The following PRH1 variants were observed in gnomAD, a reference collection of about 807,000 sequenced individuals.
The protein encoded by PRH1 is proline rich protein HaeIII subfamily 1.
Under a neutral mutation model 7.9 loss-of-function variants are expected in PRH1, and 7 were observed. The observed-to-expected ratio is 0.89, with a 90% CI of 0.50 to 1.67. The LOEUF is 1.67. Among genes scored for constraint, PRH1 ranks in the 40% most tolerant of loss-of-function variants. PRH1 has a pLI of 0.00. For synonymous variants in PRH1, 45 were observed against 80.8 expected, an observed-to-expected ratio of 0.56 and a Z score of 2.38; for missense variants, 109 against 223.6, an observed-to-expected ratio of 0.49 and a Z score of 3.27.
downstream of PRH1, among the ~76,000 whole-genome samples, chr12:11,120,652 T>G (rs555077084): frequency 7.8e-5 from 11 of 140,926 alleles, no homozygotes; most frequent in Non-Finnish European, 1.4e-4. Flanking sequence ...CAGATGGCTG[T>G]TTTTTTTTTA....
At chr12:10,883,383 C>T (rs1410861361) in intron 1 of PRH1, among the ~76,000 whole-genome samples, 1 of 152,204 alleles carries the variant, frequency 6.6e-6, no homozygotes. Flanking sequence ...TTCTGATCCT[C>T]GGCATGAAAA....
At chr12:11,060,449 T>C (rs1372818500) in intron 1 of PRH1, among the ~76,000 whole-genome samples, 1 of 151,918 alleles carries the variant, frequency 6.6e-6, no homozygotes, top group Non-Finnish European at 1.5e-5. Context: ...AAATGGAAGG[T>C]AAGGGTATAA....
rs151010958 is a variant in PRH1, at chr12:11,140,803, C to T, written n.40-19623G>A. 2.6e-3 allele frequency among the ~76,000 whole-genome samples: 403 copies of T among 152,192 alleles called. 1 individual carries two copies. Among genetic ancestry groups the T allele is most frequent in the Middle Eastern group, 0.02 (6 of 294 alleles). On this transcript the variant is annotated intron_variant and non_coding_transcript_variant, in intron 1 of 1. Transcript: ENST00000541175. ...CAGTTGTTAGAGATATTTTACAACC[C>T]AATACATATATGACACATTGGTTGT...
chr12:11,038,673 T>G (rs1485563448), intron 1 of PRH1, among the ~76,000 whole-genome samples: 1 of 152,272 alleles, frequency 6.6e-6, no homozygotes, highest in Non-Finnish European at 1.5e-5. Flanking sequence ...CCACAATTTG[T>G]TTATTCATTT....
chr12:10,983,031 T>G (rs527652218), intron 1 of PRH1, among the ~76,000 whole-genome samples: 4 of 152,316 alleles, frequency 2.6e-5, no homozygotes, highest in African/African-American at 9.6e-5. Context: ...ACGGGCTCTA[T>G]AGCAGATATA....
intron 2 of PRH1, chr12:10,897,010 T>C (rs1335058342): frequency 6.6e-6 from 1 of 152,178 alleles, no homozygotes; most frequent in Non-Finnish European, 1.5e-5. Flanking sequence ...GTAGTCCAAC[T>C]ACTCTGAGGT....
At chr12:11,148,535 T>C (rs1946946641) in intron 1 of PRH1, among the ~76,000 whole-genome samples, 1 of 147,738 alleles carries the variant, frequency 6.8e-6, no homozygotes, top group African/African-American at 2.5e-5. Context: ...TCTGCATCTA[T>C]TGAGATAATC....
chr12:11,096,224 C>T (rs1315121723), intron 1 of PRH1, among the ~76,000 whole-genome samples: 1 of 116,088 alleles, frequency 8.6e-6, no homozygotes, highest in Non-Finnish European at 2.0e-5. Flanking sequence ...GCTTCACTGT[C>T]TGTGGCCCTC....
At chr12:10,921,967 C>T (rs560525373) in intron 2 of PRH1, among the ~76,000 whole-genome samples, 3 of 152,160 alleles carry the variant, frequency 2.0e-5, no homozygotes, top group African/African-American at 7.2e-5. Context: ...AGTGGGGTCT[C>T]ACCATATTGC....
At chr12:11,143,495 GAAGT>G (rs1011430803) in intron 1 of PRH1, among the ~76,000 whole-genome samples, 12 of 152,268 alleles carry the variant, frequency 7.9e-5, no homozygotes, top group South Asian at 2.1e-4. Flanking sequence ...CAAAATGGCA[GAAGT>G]AAGTCCTTAC....
chr12:11,042,486 T>TAAAA (rs140733298), intron 1 of PRH1, among the ~76,000 whole-genome samples: 24 of 95,002 alleles, frequency 2.5e-4, no homozygotes, highest in Middle Eastern at 6.3e-3. Context: ...TCTCCCAGTT[T>TAAAA]AAAAAAAAAA....
intron 2 of PRH1, among the ~76,000 whole-genome samples, chr12:10,956,545 C>G (rs945629093): frequency 2.6e-5 from 4 of 152,064 alleles, no homozygotes; most frequent in Non-Finnish European, 5.9e-5. Context: ...CACTCTTATT[C>G]AACAGTACTG....
chr12:10,986,495 C>T (rs1939637229), intron 1 of PRH1: 2 of 1,613,952 alleles, frequency 1.2e-6, no homozygotes, highest in Middle Eastern at 1.6e-4. Context: ...TAACTCTCCT[C>T]TTTAAATGAA....
At chr12:11,022,885 A>C (rs374231276) in intron 1 of PRH1, among the ~76,000 whole-genome samples, 3 of 152,178 alleles carry the variant, frequency 2.0e-5, no homozygotes, top group African/African-American at 7.2e-5. Flanking sequence ...CTCATGTGTT[A>C]GTATGCAAAG....
At chr12:10,984,054 TC>T (rs1565520998) in intron 1 of PRH1, among the ~76,000 whole-genome samples, 1 of 150,856 alleles carries the variant, frequency 6.6e-6, no homozygotes, top group Non-Finnish European at 1.5e-5. Context: ...TCTATAAAAG[TC>T]ACGTTTTAGT....
intron 2 of PRH1, among the ~76,000 whole-genome samples, chr12:10,933,633 C>A (rs996926309): frequency 6.6e-6 from 1 of 152,062 alleles, no homozygotes; most frequent in Non-Finnish European, 1.5e-5. Context: ...AAGATGCCAA[C>A]GTTGTCTTTG....
At chr12:10,904,867 C>T (rs1482192484) in intron 2 of PRH1, among the ~76,000 whole-genome samples, 1 of 152,018 alleles carries the variant, frequency 6.6e-6, no homozygotes, top group African/African-American at 2.4e-5. Context: ...GAGCAAAAGA[C>T]ATGAACAGGC....
At chr12:10,924,849 C>G (rs1033921538) in intron 2 of PRH1, among the ~76,000 whole-genome samples, 1 of 152,082 alleles carries the variant, frequency 6.6e-6, no homozygotes, top group Non-Finnish European at 1.5e-5. Flanking sequence ...GTGGTGATAT[C>G]CCCTTTATCA....
At chr12:11,075,566 A>T (rs1183016367) in intron 1 of PRH1, among the ~76,000 whole-genome samples, 2 of 114,746 alleles carry the variant, frequency 1.7e-5, no homozygotes, top group Middle Eastern at 4.0e-3. Flanking sequence ...TGGCACTCAC[A>T]GCTGAACCTG....
Sources: gnomAD v4.1 joint callset for allele counts (sites outside exome capture counted in the v4.1 genomes callset) on GRCh38, gnomAD v4.1.1 for gene constraint, MANE v1.5 for transcripts, NCBI Gene and HGNC (gene_info 2026-07-23, HGNC 2026-07-21) for gene names.